The following BCL2 variants were observed in gnomAD, a reference collection of about 807,000 sequenced individuals.
BCL2 encodes BCL2 apoptosis regulator.
In BCL2, 1 loss-of-function variant was observed where a neutral mutation model predicts 14.2. The observed-to-expected ratio is 0.07, with a 90% CI of 0.02 to 0.33. The LOEUF is 0.33. Among genes scored for constraint, BCL2 ranks in the 10% least tolerant of loss-of-function variants. The probability of loss-of-function intolerance (pLI) is 0.99; values close to 1 mark genes in which losing one functional copy is unlikely to be tolerated. For synonymous variants in BCL2, 151 were observed against 137.2 expected, an observed-to-expected ratio of 1.10 and a Z score of -0.70; for missense variants, 247 against 305.9, an observed-to-expected ratio of 0.81 and a Z score of 1.44.
chr18:63,162,039 C>T (rs1357135894), intron 2 of BCL2, among the ~76,000 whole-genome samples: 1 of 152,144 alleles, frequency 6.6e-6, no homozygotes, highest in East Asian at 1.9e-4. Context: ...TGTTGATTTC[C>T]CTTTGCTACA....
At chr18:63,157,181 T>C (rs1297764169) in intron 2 of BCL2, among the ~76,000 whole-genome samples, 1 of 152,214 alleles carries the variant, frequency 6.6e-6, no homozygotes, top group African/African-American at 2.4e-5. Context: ...GGCAAGAAAC[T>C]GAAGGAATAT....
chr18:63,202,640 C>T (rs535680842), intron 2 of BCL2, among the ~76,000 whole-genome samples: 3 of 152,256 alleles, frequency 2.0e-5, no homozygotes, highest in East Asian at 3.9e-4. Context: ...TATTGCTTGG[C>T]TGTATTTCCA....
At chr18:63,235,309 C>T (rs1444766290) in intron 2 of BCL2, among the ~76,000 whole-genome samples, 1 of 152,152 alleles carries the variant, frequency 6.6e-6, no homozygotes, top group Non-Finnish European at 1.5e-5. Context: ...GCTACATATC[C>T]AAGAGAAACT....
intron 2 of BCL2, among the ~76,000 whole-genome samples, chr18:63,178,388 G>C (rs558875193): frequency 6.6e-6 from 1 of 152,286 alleles, no homozygotes; most frequent in Non-Finnish European, 1.5e-5. Flanking sequence ...CTGTGTAATC[G>C]AGCCTCCCAT....
At chr18:63,178,121 C>T (rs1171629749) in intron 2 of BCL2, among the ~76,000 whole-genome samples, 1 of 152,124 alleles carries the variant, frequency 6.6e-6, no homozygotes, top group Non-Finnish European at 1.5e-5. Flanking sequence ...GCCTGGGGGC[C>T]ATGAAAGCAT....
chr18:63,153,510 C>T (rs1203144904), intron 2 of BCL2, among the ~76,000 whole-genome samples: 1 of 152,098 alleles, frequency 6.6e-6, no homozygotes. Flanking sequence ...TTGCAGAGTC[C>T]GTAATTTTTA....
intron 2 of BCL2, among the ~76,000 whole-genome samples, chr18:63,222,722 C>CTGTA (rs979069099): frequency 4.6e-5 from 7 of 152,210 alleles, no homozygotes; most frequent in Middle Eastern, 3.4e-3. Context: ...ATTGAACACA[C>CTGTA]TGTATCTAAT....
At chr18:63,213,882 C>T (rs1910124653) in intron 2 of BCL2, among the ~76,000 whole-genome samples, 1 of 152,030 alleles carries the variant, frequency 6.6e-6, no homozygotes, top group African/African-American at 2.4e-5. Flanking sequence ...AAGCCCCAGG[C>T]CCTCAGGGAC....
At chr18:63,305,618 C>T (rs1030409916) in intron 2 of BCL2, among the ~76,000 whole-genome samples, 1 of 151,746 alleles carries the variant, frequency 6.6e-6, no homozygotes, top group African/African-American at 2.4e-5. Context: ...ATTTTTTTCA[C>T]CCGGAAAAAA....
At chr18:63,129,057 C>G (rs1029456421) in intron 2 of BCL2, among the ~76,000 whole-genome samples, 2 of 152,142 alleles carry the variant, frequency 1.3e-5, no homozygotes, top group Non-Finnish European at 2.9e-5. Context: ...ACAGTATAGA[C>G]AGCAATCAAT....
intron 2 of BCL2, among the ~76,000 whole-genome samples, chr18:63,142,833 C>T (rs1914402067): frequency 6.6e-6 from 1 of 152,204 alleles, no homozygotes; most frequent in South Asian, 2.1e-4. Context: ...GTTCAGTTCA[C>T]CTGGAAAGAC....
At chr18:63,229,619 T>C (rs1453580218) in intron 2 of BCL2, among the ~76,000 whole-genome samples, 1 of 152,260 alleles carries the variant, frequency 6.6e-6, no homozygotes, top group Non-Finnish European at 1.5e-5. Context: ...CTATGTGATG[T>C]GCCTGCACCC....
intron 2 of BCL2, among the ~76,000 whole-genome samples, chr18:63,288,446 G>A (rs1035579653): frequency 6.6e-6 from 1 of 152,160 alleles, no homozygotes; most frequent in Non-Finnish European, 1.5e-5. Flanking sequence ...TCTTACTGAT[G>A]CTAGGCTATA....
At chr18:63,207,906 C>T (rs1470956257) in intron 2 of BCL2, 1 of 151,028 alleles carries the variant, frequency 6.6e-6, no homozygotes, top group Non-Finnish European at 1.5e-5. Flanking sequence ...CATGGGAATA[C>T]ACTTTTCTAA....
chr18:63,240,734 C>T (rs1387163632), intron 2 of BCL2, among the ~76,000 whole-genome samples: 1 of 152,198 alleles, frequency 6.6e-6, no homozygotes, highest in African/African-American at 2.4e-5. Flanking sequence ...AGCAATTTAG[C>T]TATTTCTTGT....
intron 2 of BCL2, among the ~76,000 whole-genome samples, chr18:63,271,954 C>T (rs1912014574): frequency 1.3e-5 from 2 of 152,216 alleles, no homozygotes; most frequent in Non-Finnish European, 1.5e-5. Context: ...CCTTCTGCTT[C>T]CCCCTTGCTC....
chr18:63,145,144 C>T (rs1326791174), intron 2 of BCL2, among the ~76,000 whole-genome samples: 1 of 152,212 alleles, frequency 6.6e-6, no homozygotes, highest in Non-Finnish European at 1.5e-5. Context: ...GTCACAAAAA[C>T]AAATCCAACT....
intron 2 of BCL2, among the ~76,000 whole-genome samples, chr18:63,143,052 G>A (rs1334137687): frequency 6.6e-6 from 1 of 152,196 alleles, no homozygotes; most frequent in Non-Finnish European, 1.5e-5. Context: ...TCTGGATCCT[G>A]GCTCATTAAC....
intron 2 of BCL2, among the ~76,000 whole-genome samples, chr18:63,212,836 G>GCCA (rs1555700391): frequency 4.6e-5 from 7 of 151,590 alleles, no homozygotes; most frequent in Non-Finnish European, 8.8e-5. Flanking sequence ...AGATCACACT[G>GCCA]CTGCACTCCA....
Sources: allele counts gnomAD v4.1 joint callset (sites outside exome capture counted in the v4.1 genomes callset), GRCh38; gene constraint gnomAD v4.1.1; transcripts MANE v1.5; gene names NCBI Gene and HGNC (gene_info 2026-07-23, HGNC 2026-07-21).